The following EIF4E3 variants were observed in gnomAD, a reference collection of about 807,000 sequenced individuals.
The protein encoded by EIF4E3 is eukaryotic translation initiation factor 4E family member 3, also known as eukaryotic translation initiation factor 4E type 3.
EIF4E3 carries 26 observed loss-of-function variants against 31.7 expected under a neutral mutation model. That is an observed-to-expected ratio of 0.82 (90% CI 0.60 to 1.14). EIF4E3 has a LOEUF of 1.14. Ranked by LOEUF, EIF4E3 falls within the 50% of genes most tolerant of loss-of-function variation. The probability of loss-of-function intolerance (pLI) is 0.00; values close to 1 mark genes in which losing one functional copy is unlikely to be tolerated. For synonymous variants in EIF4E3, 128 were observed against 107.7 expected (o/e 1.19, Z -1.17); for missense variants, 304 against 270.9 (o/e 1.12, Z -0.86).
chr3:71,663,909 G>A, the EIF4E3 span, among the ~76,000 whole-genome samples: 1 of 152,206 alleles, frequency 6.6e-6, no homozygotes, highest in Non-Finnish European at 1.5e-5. Context: ...CGACAAAGGA[G>A]GGGTATCCCC....
rs752195959 is a variant in EIF4E3, at chr3:71,696,448, G to C, written c.405+12C>G. 4 of 1,614,058 alleles carry C rather than the reference G, an allele frequency of 2.5e-6. No homozygotes were observed. The South Asian group carries it at 4.4e-5, about 18-fold the overall frequency. On this transcript the variant is annotated intron_variant, in intron 4 of 6. Coordinates refer to ENST00000425534, the MANE Select transcript of EIF4E3 (RefSeq NM_001134651.2). The stretch of plus-strand genomic sequence containing the variant: ...CCTCGCCGGTTCTAGAAGAGGATCA[G>C]TAGGAACCTACCGTGCTGTCCTTGG...
At chr3:71,689,111 G>GT (rs1462711639) in intron 6 of EIF4E3, among the ~76,000 whole-genome samples, 1 of 152,088 alleles carries the variant, frequency 6.6e-6, no homozygotes, top group East Asian at 1.9e-4. Flanking sequence ...AAGACCTCTG[G>GT]TACCAATAAT....
At chr3:71,742,491 T>C (rs1362975838) in intron 1 of EIF4E3, among the ~76,000 whole-genome samples, 4 of 152,094 alleles carry the variant, frequency 2.6e-5, no homozygotes, top group Admixed American at 1.3e-4. Context: ...AATATATAGT[T>C]AAAAACCTTC....
At chr3:71,725,550 G>A (rs1319249359), upstream of EIF4E3, among the ~76,000 whole-genome samples, 1 of 150,814 alleles carries the variant, frequency 6.6e-6, no homozygotes, top group Non-Finnish European at 1.5e-5. The surrounding 1 kb of genome is among the most constrained non-coding windows in gnomAD (Gnocchi z 6.1). Context: ...AGGGGCCGTG[G>A]GAGGCACGGC....
At chr3:71,730,160 G>A (rs2049689966), upstream of EIF4E3, among the ~76,000 whole-genome samples, 1 of 152,134 alleles carries the variant, frequency 6.6e-6, no homozygotes, top group Non-Finnish European at 1.5e-5. Context: ...GGAAAGGTAG[G>A]GGAGACTTGA....
chr3:71,694,070 C>T (rs567326529), intron 4 of EIF4E3, 129 bp from the exon 5 acceptor site: 1 of 783,014 alleles, frequency 1.3e-6, no homozygotes, highest in African/African-American at 1.8e-5. Flanking sequence ...TACTTGGAGT[C>T]CACAGACACC....
the EIF4E3 span, among the ~76,000 whole-genome samples, chr3:71,667,394 C>A: frequency 6.6e-6 from 1 of 152,178 alleles, no homozygotes; most frequent in Non-Finnish European, 1.5e-5. Flanking sequence ...ATTGGAAGCT[C>A]TGGCCAGGGC....
At chr3:71,667,277 A>G in the EIF4E3 span, among the ~76,000 whole-genome samples, 1 of 152,246 alleles carries the variant, frequency 6.6e-6, no homozygotes, top group East Asian at 1.9e-4. Context: ...TATTTATGAC[A>G]GACCCATAGC....
chr3:71,746,748 AC>A (rs1346232063), intron 1 of EIF4E3, among the ~76,000 whole-genome samples: 1 of 151,764 alleles, frequency 6.6e-6, no homozygotes, highest in Non-Finnish European at 1.5e-5. Flanking sequence ...CATTTTCATC[AC>A]CCCCCAAAAA....
upstream of EIF4E3, chr3:71,729,209 C>T (rs947163980): frequency 2.0e-5 from 3 of 152,190 alleles, no homozygotes; most frequent in Admixed American, 2.0e-4. Context: ...CACATCTGCT[C>T]CCTGGGAGTC....
chr3:71,731,082 A>G (rs950729133), intron 1 of EIF4E3, among the ~76,000 whole-genome samples: 9 of 152,130 alleles, frequency 5.9e-5, no homozygotes, highest in Non-Finnish European at 1.3e-4. Context: ...CTCCTGAGTC[A>G]GCCAAGCATG....
At chr3:71,736,436 A>G (rs540112980) in intron 1 of EIF4E3, among the ~76,000 whole-genome samples, 2 of 152,344 alleles carry the variant, frequency 1.3e-5, no homozygotes, top group South Asian at 4.1e-4. Flanking sequence ...TCAGTAAACT[A>G]TGGTACATCC....
At chr3:71,670,043 A>G in the EIF4E3 span, among the ~76,000 whole-genome samples, 8 of 152,148 alleles carry the variant, frequency 5.3e-5, no homozygotes, top group African/African-American at 1.7e-4. Flanking sequence ...AGGCCCAACC[A>G]TTTCTGCCTT....
At chr3:71,725,511 G>T (rs1475453887), upstream of EIF4E3, 1 of 299,384 alleles carries the variant, frequency 3.3e-6, no homozygotes, top group Non-Finnish European at 4.7e-6. This position sits in a 1 kb window ranked among gnomAD's most constrained non-coding sequence, Gnocchi z 6.1. Context: ...CCCGCCGCCC[G>T]CCGCCTTCAG....
At chr3:71,711,194 G>A (rs138295092) in intron 1 of EIF4E3, among the ~76,000 whole-genome samples, 251 of 152,280 alleles carry the variant, frequency 1.6e-3, no homozygotes, top group Non-Finnish European at 2.6e-3. Flanking sequence ...GCCTGGGATG[G>A]TAAAATGACC....
intron 1 of EIF4E3, among the ~76,000 whole-genome samples, chr3:71,747,148 C>T (rs907214834): frequency 1.3e-5 from 2 of 152,232 alleles, no homozygotes; most frequent in East Asian, 1.9e-4. Context: ...AATGCCTAGG[C>T]GTGAAATGGC....
chr3:71,700,317 T>G (rs1401526908), intron 2 of EIF4E3, among the ~76,000 whole-genome samples: 1 of 152,190 alleles, frequency 6.6e-6, no homozygotes, highest in Non-Finnish European at 1.5e-5. Context: ...TGGAAAGGAC[T>G]TTGCTAATGA....
chr3:71,712,111 C>G (rs1472339185), intron 1 of EIF4E3, among the ~76,000 whole-genome samples: 1 of 152,196 alleles, frequency 6.6e-6, no homozygotes, highest in East Asian at 1.9e-4. Flanking sequence ...ATAAAGAAAT[C>G]TACTGTAAAG....
intron 3 of EIF4E3, 72 bp from the exon 4 acceptor site, chr3:71,696,592 T>C: frequency 6.5e-7 from 1 of 1,540,914 alleles, no homozygotes; most frequent in South Asian, 1.1e-5. Context: ...ATTAAATATC[T>C]CTTCATACAT....
Sources: allele counts gnomAD v4.1 joint callset (sites outside exome capture counted in the v4.1 genomes callset), GRCh38; gene constraint gnomAD v4.1.1; non-coding constraint Gnocchi (gnomAD v3.1); transcripts MANE v1.5; gene names NCBI Gene and HGNC (gene_info 2026-07-23, HGNC 2026-07-21).